The following BTK variants were observed in gnomAD, a reference collection of about 807,000 sequenced individuals.
The protein encoded by BTK is Bruton tyrosine kinase, also known as tyrosine-protein kinase BTK.
In BTK, 5 loss-of-function variants were observed where a neutral mutation model predicts 57.4. The ratio of observed to expected loss-of-function variants is 0.09; its 90% confidence interval spans 0.05 to 0.18. The LOEUF (loss-of-function observed/expected upper bound fraction) is 0.18, where lower values mean the gene tolerates loss of function less well. Among genes scored for constraint, BTK ranks in the 10% least tolerant of loss-of-function variants. BTK has a pLI of 1.00. For missense variants in BTK, 194 were observed against 501.2 expected (o/e 0.39, Z 5.85); for synonymous variants, 154 against 174.3 (o/e 0.88, Z 0.92).
chrX:101,350,079 A>T, intron 18 of BTK, 123 bp from the exon 19 acceptor site: 1 of 409,149 alleles, frequency 2.4e-6, no homozygotes, highest in Non-Finnish European at 4.2e-6. Context: ...TGCCCTGTCG[A>T]TTACAAAAGG....
At chrX:101,367,010 G>A (rs1483312300) in intron 5 of BTK, among the ~76,000 whole-genome samples, 1 of 111,821 alleles carries the variant, frequency 8.9e-6, no homozygotes, top group African/African-American at 3.2e-5. Flanking sequence ...TTGGGAGGCC[G>A]AGGCAGGTGG....
chrX:101,385,685 A>G (rs1555982400), intron 1 of BTK, among the ~76,000 whole-genome samples: 1 of 112,387 alleles, frequency 8.9e-6, no homozygotes, highest in African/African-American at 3.2e-5. Context: ...TGACCCATGT[A>G]TCCCTATTGA....
At position 101,353,355 on chromosome X, in the gene BTK, G is replaced by A; in HGVS notation, c.1751-4C>T. 8.3e-7 allele frequency: 1 copy of A among 1,209,762 alleles called. No homozygotes were observed. Among genetic ancestry groups the A allele is most frequent in the Non-Finnish European group, 1.1e-6 (1 of 894,020 alleles). ...TAAATTTCCCACATCAAAACCCCTAGAAGGTGAAAAAAATTATTAAATTGG... is the reference window on the plus strand; with the variant it reads ...TAAATTTCCCACATCAAAACCCCTAAAAGGTGAAAAAAATTATTAAATTGG... On this transcript the variant is annotated splice_region_variant and splice_polypyrimidine_tract_variant and intron_variant, in intron 17 of 18. Transcript: ENST00000308731.
At chrX:101,363,927 A>C (rs1018038827) in intron 5 of BTK, among the ~76,000 whole-genome samples, 5 of 97,098 alleles carry the variant, frequency 5.1e-5, no homozygotes, top group African/African-American at 1.6e-4. Context: ...TATTATTATT[A>C]TTATTATTAT....
intron 10 of BTK, 37 bp downstream of exon 10, chrX:101,359,256 C>A: frequency 8.3e-7 from 1 of 1,200,424 alleles, no homozygotes; most frequent in Non-Finnish European, 1.1e-6. Context: ...CTCACTTATG[C>A]AAGGAGAATG....
intron 1 of BTK, among the ~76,000 whole-genome samples, chrX:101,376,542 G>A (rs1285365224): frequency 9.0e-6 from 1 of 111,351 alleles, no homozygotes; most frequent in Non-Finnish European, 1.9e-5. Flanking sequence ...CAGGAGAATC[G>A]CTTGAACCCA....
intron 1 of BTK, among the ~76,000 whole-genome samples, chrX:101,380,214 C>T (rs372153157): frequency 2.4e-4 from 27 of 111,586 alleles, no homozygotes; most frequent in East Asian, 1.1e-3. Flanking sequence ...TCAAGCGATC[C>T]TCCTGCCTCA....
intron 1 of BTK, among the ~76,000 whole-genome samples, chrX:101,384,395 C>T (rs1379906353): frequency 7.2e-5 from 8 of 111,493 alleles, no homozygotes; most frequent in Admixed American, 6.7e-4. Context: ...GTTGGGAGTT[C>T]GAGACCAGCC....
intron 18 of BTK, among the ~76,000 whole-genome samples, chrX:101,352,711 C>T (rs1250699150): frequency 2.7e-5 from 3 of 111,265 alleles, no homozygotes; most frequent in Non-Finnish European, 5.7e-5. Flanking sequence ...CCTGCCTGGC[C>T]AACATGGTGA....
intron 1 of BTK, 21 bp from the exon 2 acceptor site, chrX:101,375,335 T>A: frequency 8.3e-7 from 1 of 1,199,893 alleles, no homozygotes; most frequent in Non-Finnish European, 1.1e-6. Flanking sequence ...TGAAAGTTCC[T>A]GAGGACCCAG....
chrX:101,374,032 G>A (rs1169499187), intron 3 of BTK, among the ~76,000 whole-genome samples: 10 of 108,668 alleles, frequency 9.2e-5, no homozygotes, highest in African/African-American at 2.0e-4. Flanking sequence ...GCAACAGAGC[G>A]AGACTCTGTC....
At position 101,353,883 on chromosome X, in the gene BTK, G is replaced by A. The variant is rs377324584; in HGVS notation, c.1737C>T (p.Asp579=). The A allele has an allele frequency of 8.3e-7, 1 of 1,207,671 alleles. No individual in the cohort carries two copies. The highest frequency in any genetic ancestry group is 1.1e-6 in the Non-Finnish European group (1 of 891,421). ...LMYSKFSSKS[D]IWAFGVLMWE... is the part of the protein sequence containing the mutation. ...TTATCCACTTACCAAAAGCCCAAAT[G>A]TCAGATTTGCTGCTGAACTTGCTAT... The change falls in exon 17 of 19, where the codon GAC becomes GAT. Residue 579 remains aspartate, a synonymous_variant. Coordinates refer to ENST00000308731, the MANE Select transcript of BTK (RefSeq NM_000061.3).
chrX:101,350,017 C>T, intron 18 of BTK, 61 bp from the exon 19 acceptor site: 1 of 846,649 alleles, frequency 1.2e-6, no homozygotes, highest in Admixed American at 2.2e-5. Flanking sequence ...AAGGGAAATG[C>T]AATGAGTAAG....
Position 101,353,916 on chromosome X carries a change from G to A in BTK, c.1704C>T (p.Val568=). Residue 568 remains valine (V), a synonymous_variant, in exon 17 of 19, where the codon GTC becomes GTT. Transcript: ENST00000308731. The part of the protein sequence containing the change: ...KFPVRWSPPE[V]LMYSKFSSKS... The stretch of plus-strand genomic sequence containing the variant: ...TGCTGCTGAACTTGCTATACATCAG[G>A]ACTTCCGGTGGGGACCACCGGACTG... 1 of 1,211,506 alleles carries A rather than the reference G, an allele frequency of 8.3e-7. No individual in the cohort carries two copies.
At chrX:101,382,841 C>G (rs782194290) in intron 1 of BTK, among the ~76,000 whole-genome samples, 1 of 110,863 alleles carries the variant, frequency 9.0e-6, no homozygotes, top group Admixed American at 9.7e-5. Flanking sequence ...TTGGCTTAAA[C>G]ATTTTATTTA....
chrX:101,386,757 G>A (rs185264406), upstream of BTK, among the ~76,000 whole-genome samples: 18 of 111,785 alleles, frequency 1.6e-4, no homozygotes, highest in Non-Finnish European at 2.3e-4. Context: ...TAAAAATGTC[G>A]GAATATAAGC....
At chrX:101,384,709 G>T (rs782381429) in intron 1 of BTK, among the ~76,000 whole-genome samples, 1 of 112,347 alleles carries the variant, frequency 8.9e-6, no homozygotes, top group South Asian at 3.6e-4. Flanking sequence ...GAATATAAAA[G>T]GAGTCAGAAT....
chrX:101,356,566 A>G (rs1321121250), intron 14 of BTK: 6 of 458,710 alleles, frequency 1.3e-5, no homozygotes, highest in African/African-American at 1.2e-4. Flanking sequence ...AATGCTACTG[A>G]GATGGTACAC....
intron 18 of BTK, among the ~76,000 whole-genome samples, chrX:101,352,545 A>T (rs192741622): frequency 8.9e-6 from 1 of 111,901 alleles, no homozygotes; most frequent in African/African-American, 3.2e-5. Flanking sequence ...TGGGCGGATC[A>T]CTTGAGGCCA....
Sources: allele counts gnomAD v4.1 joint callset (sites outside exome capture counted in the v4.1 genomes callset), GRCh38; gene constraint gnomAD v4.1.1; transcripts MANE v1.5; gene names NCBI Gene and HGNC (gene_info 2026-07-23, HGNC 2026-07-21).